Variants in CRTAC1 observed in about 807,000 individuals in gnomAD.
CRTAC1 encodes the protein acidic secreted protein in cartilage.
A neutral mutation model predicts 67.8 loss-of-function variants in CRTAC1; 37 were observed. The observed-to-expected ratio is 0.55, with a 90% CI of 0.42 to 0.72. The LOEUF (loss-of-function observed/expected upper bound fraction) is 0.72, where lower values mean the gene tolerates loss of function less well. Ranked by LOEUF, CRTAC1 falls within the 30% of genes least tolerant of loss-of-function variation. The pLI, the probability that CRTAC1 is intolerant of heterozygous loss-of-function variation, is 0.00. For synonymous variants in CRTAC1, 348 were observed against 371.0 expected (o/e 0.94, Z 0.71); for missense variants, 780 against 931.6 (o/e 0.84, Z 2.12).
intron 2 of CRTAC1, among the ~76,000 whole-genome samples, chr10:97,961,056 G>C (rs2051517502): frequency 6.6e-6 from 1 of 152,052 alleles, no homozygotes; most frequent in African/African-American, 2.4e-5. Context: ...TCGTGTCATT[G>C]TGTGCAACTG....
intron 8 of CRTAC1, among the ~76,000 whole-genome samples, chr10:97,900,550 T>C: frequency 7.5e-6 from 1 of 134,048 alleles, no homozygotes; most frequent in South Asian, 2.7e-4. Flanking sequence ...CCATAGCCTC[T>C]TTTCCTGGTA....
intron 4 of CRTAC1, among the ~76,000 whole-genome samples, chr10:97,920,449 T>C: frequency 6.6e-6 from 1 of 152,176 alleles, no homozygotes; most frequent in East Asian, 1.9e-4. Context: ...AATGCAGTGG[T>C]TCCCACACTT....
intron 3 of CRTAC1, among the ~76,000 whole-genome samples, chr10:97,925,720 G>A (rs1348613835): frequency 4.0e-5 from 6 of 150,182 alleles, no homozygotes; most frequent in Non-Finnish European, 8.9e-5. Flanking sequence ...GTGAGTGTGA[G>A]GGGAGGGTGA....
intron 7 of CRTAC1, among the ~76,000 whole-genome samples, chr10:97,904,153 C>T (rs1052880906): frequency 1.9e-4 from 29 of 152,158 alleles, no homozygotes; most frequent in African/African-American, 5.5e-4. Flanking sequence ...CCCAGGACTC[C>T]GGCCCACCTC....
At chr10:98,007,492 A>G (rs968425822) in intron 2 of CRTAC1, among the ~76,000 whole-genome samples, 3 of 152,252 alleles carry the variant, frequency 2.0e-5, no homozygotes, top group Non-Finnish European at 2.9e-5. Flanking sequence ...CACAACAGCC[A>G]CAAAGAAAGC....
intron 2 of CRTAC1, among the ~76,000 whole-genome samples, chr10:97,939,295 C>A (rs989179788): frequency 1.3e-5 from 2 of 152,190 alleles, no homozygotes; most frequent in Non-Finnish European, 2.9e-5. Context: ...CCCCGGCTCT[C>A]TTCTTTAAAG....
intron 2 of CRTAC1, among the ~76,000 whole-genome samples, chr10:97,980,003 T>C (rs2051866769): frequency 6.6e-6 from 1 of 152,214 alleles, no homozygotes; most frequent in African/African-American, 2.4e-5. Flanking sequence ...CCGGGGCCAC[T>C]CTTTTAACCA....
At chr10:98,002,924 G>T (rs866609753) in intron 2 of CRTAC1, among the ~76,000 whole-genome samples, 1 of 150,350 alleles carries the variant, frequency 6.7e-6, no homozygotes, top group Non-Finnish European at 1.5e-5. Context: ...GACTACAGGC[G>T]CCCGCCACCA....
At chr10:97,953,293 G>T (rs1224689894) in intron 2 of CRTAC1, among the ~76,000 whole-genome samples, 4 of 152,050 alleles carry the variant, frequency 2.6e-5, no homozygotes, top group Non-Finnish European at 4.4e-5. Flanking sequence ...ATGTGCATTT[G>T]GTTTCTTCAG....
chr10:97,895,136 G>T lies in CRTAC1; in HGVS notation c.1486+109C>A. 1 of 1,088,746 alleles carries T rather than the reference G, an allele frequency of 9.2e-7. No homozygotes were observed. The highest frequency in any genetic ancestry group is 1.3e-6 in the Non-Finnish European group (1 of 760,622). The allele number at this position is 1,088,746 out of a possible 1,614,324, so 67.4% of individuals were successfully genotyped here. A position where few individuals can be genotyped will look rare whatever the true frequency, so the allele number is the denominator to read the frequency against. On this transcript the variant is annotated intron_variant, in intron 11 of 14. Coordinates refer to ENST00000370597, the MANE Select transcript of CRTAC1 (RefSeq NM_018058.7). The surrounding 1 kb of genome is among the most constrained non-coding windows in gnomAD (Gnocchi z 4.2). The stretch of plus-strand genomic sequence containing the variant: ...GTCCCCAGTAGCTGGTGTCCACCAT[G>T]GCTGTCACAGTAGAGCGGAGCGGTG...
chr10:97,943,957 C>A (rs1267283190), intron 2 of CRTAC1, among the ~76,000 whole-genome samples: 1 of 152,080 alleles, frequency 6.6e-6, no homozygotes, highest in Non-Finnish European at 1.5e-5. Flanking sequence ...ATTATCATAA[C>A]AACAAAAAAT....
chr10:97,898,519 C>T (rs940426937), intron 8 of CRTAC1, among the ~76,000 whole-genome samples: 4 of 152,200 alleles, frequency 2.6e-5, no homozygotes, highest in Admixed American at 2.6e-4. Context: ...GCTTGTTGTG[C>T]CTGCTGCTTA....
intron 2 of CRTAC1, among the ~76,000 whole-genome samples, chr10:97,945,414 GA>G (rs1365627194): frequency 6.6e-6 from 1 of 152,142 alleles, no homozygotes; most frequent in African/African-American, 2.4e-5. Flanking sequence ...CATTTCTTTG[GA>G]AATGTGTGTA....
At chr10:98,014,873 G>A (rs1349422996) in intron 1 of CRTAC1, among the ~76,000 whole-genome samples, 1 of 152,232 alleles carries the variant, frequency 6.6e-6, no homozygotes, top group Non-Finnish European at 1.5e-5. Flanking sequence ...TGCAGCTGCT[G>A]TGAAAAACAG....
chr10:97,952,369 T>TA (rs1164961097), intron 2 of CRTAC1, among the ~76,000 whole-genome samples: 19 of 148,200 alleles, frequency 1.3e-4, no homozygotes, highest in African/African-American at 4.2e-4. Context: ...AATAAATAAA[T>TA]AAATAAATAA....
intron 2 of CRTAC1, among the ~76,000 whole-genome samples, chr10:97,955,617 C>T (rs2051427604): frequency 6.6e-6 from 1 of 152,284 alleles, no homozygotes; most frequent in East Asian, 1.9e-4. Flanking sequence ...GACCAGTTCC[C>T]TTATATTCAA....
chr10:97,944,982 C>A (rs2051242088), intron 2 of CRTAC1, among the ~76,000 whole-genome samples: 1 of 152,204 alleles, frequency 6.6e-6, no homozygotes, highest in Non-Finnish European at 1.5e-5. Flanking sequence ...GAAGAACCAT[C>A]CAGATGAGCC....
At chr10:98,022,384 A>G (rs147627335) in intron 1 of CRTAC1, among the ~76,000 whole-genome samples, 2,072 of 152,104 alleles carry the variant, frequency 0.014, 41 homozygotes, top group African/African-American at 0.043. Context: ...AGAAAGAAAG[A>G]AAAAATAAAA....
chr10:98,013,254 T>C (rs1450438648), intron 1 of CRTAC1, among the ~76,000 whole-genome samples: 5 of 152,140 alleles, frequency 3.3e-5, no homozygotes, highest in African/African-American at 1.2e-4. Context: ...AAGAGAAAAG[T>C]GGCATCTAAC....
Sources: allele counts gnomAD v4.1 joint callset (sites outside exome capture counted in the v4.1 genomes callset), GRCh38; gene constraint gnomAD v4.1.1; non-coding constraint Gnocchi (gnomAD v3.1); transcripts MANE v1.5; gene names NCBI Gene and HGNC (gene_info 2026-07-23, HGNC 2026-07-21).